The following SYNE2 variants were observed in gnomAD, a reference collection of about 807,000 sequenced individuals.
SYNE2 encodes nesprin-2.
Under a neutral mutation model 856.3 loss-of-function variants are expected in SYNE2, and 431 were observed. That is an observed-to-expected ratio of 0.50 (90% confidence interval 0.47 to 0.55). The LOEUF (loss-of-function observed/expected upper bound fraction) is 0.55. Ranked by LOEUF, SYNE2 falls within the 20% of genes least tolerant of loss-of-function variation. SYNE2 has a pLI of 0.00. For synonymous variants in SYNE2, 2,923 were observed against 2,872.3 expected (o/e 1.02, Z -0.56); for missense variants, 8,129 against 8,023.2 (o/e 1.01, Z -0.50).
chr14:64,134,676 G>C (rs571555100), intron 78 of SYNE2, among the ~76,000 whole-genome samples: 1 of 152,212 alleles, frequency 6.6e-6, no homozygotes, highest in East Asian at 1.9e-4. Context: ...CCTGTCACCA[G>C]CATTATAAAA....
intron 99 of SYNE2, chr14:64,191,182 A>G: frequency 3.0e-6 from 1 of 331,900 alleles, no homozygotes; most frequent in Non-Finnish European, 5.3e-6. Flanking sequence ...TATTTAAATT[A>G]TTATTTAAAT....
chr14:64,155,327 CATT>C (rs1225717326), intron 85 of SYNE2, among the ~76,000 whole-genome samples: 81 of 152,130 alleles, frequency 5.3e-4, no homozygotes, highest in African/African-American at 1.8e-3. Flanking sequence ...ATCTTGGAAA[CATT>C]ATGGTGAGTG....
At position 63,982,647 on chromosome 14, in the gene SYNE2, A is replaced by G. The variant is rs762211969; in HGVS notation, c.1854A>G (p.Leu618=). The change falls in exon 17 of 116, where the codon CTA becomes CTG. Residue 618 remains leucine (L), a synonymous_variant. Transcript: ENST00000555002. ...TCATGTAGGTACCCTTTGAGACACT[A>G]GCCCAGTGGAATCTAGAACACGCTA... ...EEIKEVPFET[L]AQWNLEHATL... 3 of 1,614,116 alleles carry G rather than the reference A, an allele frequency of 1.9e-6. No individual in the cohort carries two copies. The highest frequency in any genetic ancestry group is 2.5e-6 in the Non-Finnish European group (3 of 1,179,994).
rs1244612596 is a variant in SYNE2, at chr14:63,991,018, T to A, written c.2549T>A (p.Met850Lys). ...VSPDLDIRLK[M>K]EESQKELESY... is the part of the protein sequence containing the mutation. ...CCAGATTTGGACATCAGGCTGAAGA[T>A]GGAAGAATCCCAGAAGGAACTTGAA... The change falls in exon 21 of 116, where the codon ATG becomes AAG. Residue 850 changes from methionine (M) to lysine (K), a missense_variant. Met to Lys is a moderately conservative substitution (Grantham distance 95, BLOSUM62 -1). Transcript: ENST00000555002. 8.1e-6 allele frequency: 13 copies of A among 1,614,068 alleles called. No individual in the cohort carries two copies. Among genetic ancestry groups the A allele is most frequent in the Non-Finnish European group, 1.1e-5 (13 of 1,180,020 alleles).
rs563615577 is a variant in SYNE2 at position 64,069,581 on chromosome 14, T to A, written c.10432-1064T>A. 3.3e-5 allele frequency among the ~76,000 whole-genome samples: 5 copies of A among 152,328 alleles called. No homozygotes were observed. In the East Asian group the frequency reaches 7.7e-4, roughly 23 times the overall value. ...CATTGGCAGCATTCTGATAAATGCA[T>A]CTGAGCAGTAATCCCAAGGATAGCA... On this transcript the variant is annotated intron_variant, in intron 51 of 115. Coordinates refer to ENST00000555002, the MANE Select transcript of SYNE2 (RefSeq NM_182914.3).
Position 64,024,934 on chromosome 14 carries a change from CT to C in SYNE2, c.5864del (p.Leu1955ArgfsTer5). On this transcript the variant is annotated frameshift_variant, in exon 40 of 116. Transcript: ENST00000555002. LOFTEE classifies it high-confidence loss of function. ...LLRLQDDHRN[L>X]RKWLTNQEEK... ...TAGACTCCAGGATGACCATAGAAAC[CT>C]GAGGAAGTGGTTGACTAATCAAGAA... 6.2e-7 allele frequency: 1 copy of C among 1,613,860 alleles called. No individual in the cohort carries two copies. The highest frequency in any genetic ancestry group is 8.5e-7 in the Non-Finnish European group (1 of 1,179,892).
rs753598628 is a variant in SYNE2 at position 64,220,614 on chromosome 14, C to G, written c.20038C>G (p.Arg6680Gly). The G allele has an allele frequency of 2.5e-6, 4 of 1,613,996 alleles. No individual in the cohort carries two copies. The highest frequency in any genetic ancestry group is 1.7e-6 in the Non-Finnish European group (2 of 1,180,010). Residue 6680 changes from arginine to glycine, a missense_variant, in exon 111 of 116, where the codon CGA becomes GGA. Arg to Gly is a moderately radical substitution (Grantham distance 125). Coordinates refer to ENST00000555002, the MANE Select transcript of SYNE2 (RefSeq NM_182914.3). ...GAVDSWRGGL[R>G]QSLMQCQDFH... ...AGTGGACAGCTGGAGAGGGGGCTTA[C>G]GACAGTCGCTCATGCAGTGCCAGGT...
rs775073660 is a variant in SYNE2 at position 63,990,411 on chromosome 14, C to T, written c.2314C>T (p.His772Tyr). 1 of 1,612,028 alleles carries T rather than the reference C, an allele frequency of 6.2e-7. No homozygotes were observed. Among genetic ancestry groups the T allele is most frequent in the Admixed American group, 1.7e-5 (1 of 59,996 alleles). Residue 772 changes from histidine (H) to tyrosine (Y), a missense_variant and splice_region_variant, in exon 20 of 116, where the codon CAT (histidine) becomes TAT (tyrosine). By Grantham distance (83) the His-to-Tyr change is moderately conservative (BLOSUM62 2). This residue lies in a region of SYNE2 where 2,422 missense variants were observed against 2,357.4 expected (regional missense o/e 1.03). Transcript: ENST00000555002. ...ATCTCACTTCAATTTGTTTTAATAGCATCTTATTGCCAAAGGCTCTATGTT... is the reference window on the plus strand; with the variant it reads ...ATCTCACTTCAATTTGTTTTAATAGTATCTTATTGCCAAAGGCTCTATGTT... ...VDTSMEESLK[H>Y]LIAKGSMFDE... is the part of the protein sequence containing the mutation.
intron 64 of SYNE2, among the ~76,000 whole-genome samples, chr14:64,104,254 T>C (rs1212138543): frequency 3.3e-5 from 5 of 152,286 alleles, no homozygotes; most frequent in Non-Finnish European, 7.4e-5. Flanking sequence ...CTAATCCTTA[T>C]TGACCTCTCT....
At chr14:64,032,481 G>C (rs1359722714) in intron 45 of SYNE2, among the ~76,000 whole-genome samples, 1 of 152,160 alleles carries the variant, frequency 6.6e-6, no homozygotes, top group Admixed American at 6.5e-5. Context: ...GGAATCATTT[G>C]AGCCTAGGAA....
intron 1 of SYNE2, among the ~76,000 whole-genome samples, chr14:63,762,972 G>C (rs915680491): frequency 6.6e-6 from 1 of 151,976 alleles, no homozygotes; most frequent in Non-Finnish European, 1.5e-5. Context: ...CAAGTTTTTC[G>C]TTTTGTTTTG....
At chr14:63,827,352 C>T (rs567273848) in intron 1 of SYNE2, among the ~76,000 whole-genome samples, 4 of 150,458 alleles carry the variant, frequency 2.7e-5, no homozygotes, top group Non-Finnish European at 5.9e-5. Flanking sequence ...AGGCCGGGCG[C>T]GGTGGCTCAC....
intron 83 of SYNE2, among the ~76,000 whole-genome samples, chr14:64,145,575 ATG>A (rs1179191654): frequency 6.6e-6 from 1 of 152,074 alleles, no homozygotes; most frequent in Non-Finnish European, 1.5e-5. Context: ...GAATATAAAA[ATG>A]TGTGTATATT....
At chr14:64,054,264 G>C (rs1567169164) in intron 48 of SYNE2, among the ~76,000 whole-genome samples, 1 of 152,206 alleles carries the variant, frequency 6.6e-6, no homozygotes, top group East Asian at 1.9e-4. Flanking sequence ...TTTGTTTTCT[G>C]TTTTGTTTTT....
At chr14:64,117,584 A>G (rs936217262) in intron 66 of SYNE2, among the ~76,000 whole-genome samples, 4 of 152,208 alleles carry the variant, frequency 2.6e-5, no homozygotes, top group African/African-American at 9.6e-5. Flanking sequence ...GGTATGAGCC[A>G]CCATGCTAGG....
chr14:64,049,784 C>T lies in SYNE2; in HGVS notation c.7551C>T (p.Ser2517=), dbSNP rs767448292. The stretch of plus-strand genomic sequence containing the variant: ...TTACTTTGAAGAAAAACAAAGAAAG[C>T]CAATATTGTGTCCTCAGAGATTTTC... ...ALITLKKNKE[S]QYCVLRDFQE... Residue 2517 remains serine, a synonymous_variant, in exon 47 of 116, where the codon AGC becomes AGT. Coordinates refer to ENST00000555002, the MANE Select transcript of SYNE2 (RefSeq NM_182914.3). 6.2e-7 allele frequency: 1 copy of T among 1,614,060 alleles called. No individual in the cohort carries two copies. The highest frequency in any genetic ancestry group is 1.1e-5 in the South Asian group (1 of 91,080).
At chr14:63,862,013 G>A (rs1336908577) in intron 1 of SYNE2, among the ~76,000 whole-genome samples, 2 of 152,078 alleles carry the variant, frequency 1.3e-5, no homozygotes, top group African/African-American at 2.4e-5. Context: ...TTTTACCCAG[G>A]TCCTCACATA....
chr14:63,965,617 C>A (rs2096380554), intron 10 of SYNE2, among the ~76,000 whole-genome samples: 1 of 152,232 alleles, frequency 6.6e-6, no homozygotes. Flanking sequence ...GCTGCAGATA[C>A]TGTCAGGTAC....
chr14:63,999,816 C>G (rs762437543), intron 27 of SYNE2, among the ~76,000 whole-genome samples: 4 of 152,144 alleles, frequency 2.6e-5, no homozygotes, highest in African/African-American at 4.8e-5. Flanking sequence ...TCTTATTATA[C>G]CAGGTCTCAG....
Sources: gnomAD v4.1 joint callset for allele counts (sites outside exome capture counted in the v4.1 genomes callset) on GRCh38, gnomAD v4.1.1 for gene constraint, gnomAD v4.1.1 regional missense constraint, MANE v1.5 for transcripts, NCBI Gene and HGNC (gene_info 2026-07-23, HGNC 2026-07-21) for gene names.